CENPE: variants seen among roughly 807,000 people sequenced by gnomAD.
The protein encoded by CENPE is centromere protein E, also known as centromere-associated protein E.
CENPE carries 145 observed loss-of-function variants against 336.1 expected under a neutral mutation model. The ratio of observed to expected loss-of-function variants is 0.43; its 90% CI spans 0.38 to 0.50. The LOEUF is 0.50. CENPE is among the 20% of genes least tolerant of loss of function. CENPE has a pLI of 0.00. For synonymous variants in CENPE, 1,013 were observed against 984.8 expected (o/e 1.03, Z -0.54); for missense variants, 2,719 against 3,023.3 (o/e 0.90, Z 2.36).
At position 103,149,340 on chromosome 4, in the gene CENPE, T is replaced by C. The variant is rs1578612300; in HGVS notation, c.3465A>G (p.Lys1155=). Residue 1155 remains lysine (K), a synonymous_variant, in exon 27 of 49, where the codon AAA becomes AAG. Coordinates refer to ENST00000265148, the MANE Select transcript of CENPE (RefSeq NM_001813.3). ...TTAAATTCTCTATTTCATTAATCTT[T>C]TTCTGCATCTCACTCATCTCTTCTT... is the stretch of plus-strand genomic sequence containing the variant. ...NVQEEMSEMQ[K]KINEIENLKN... 3 of 1,609,792 alleles carry C rather than the reference T, an allele frequency of 1.9e-6. No homozygotes were observed. Among genetic ancestry groups the C allele is most frequent in the South Asian group, 2.2e-5 (2 of 89,870 alleles).
intron 45 of CENPE, 148 bp from the exon 46 acceptor site, chr4:103,114,700 G>C: frequency 1.6e-6 from 1 of 611,984 alleles, no homozygotes; most frequent in South Asian, 2.0e-5. Context: ...ATACCTCTCT[G>C]GTGCCATGTG....
chr4:103,195,993 GTA>G lies in CENPE; in HGVS notation c.282_283del (p.Thr95HisfsTer17). 1 of 1,613,714 alleles carries G rather than the reference GTA, an allele frequency of 6.2e-7. No individual in the cohort carries two copies. Among genetic ancestry groups the G allele is most frequent in the East Asian group, 2.2e-5 (1 of 44,852 alleles). On this transcript the variant is annotated frameshift_variant, in exon 4 of 49. Coordinates refer to ENST00000265148, the MANE Select transcript of CENPE (RefSeq NM_001813.3). LOFTEE classifies it high-confidence loss of function. ...CAAATGATCTTCTGAACCCATCATG[GTA>G]TATGTTTTTCCTGAAGCAGTCTGTC...
At chr4:103,113,714 TAA>T (rs908238801) in intron 46 of CENPE, among the ~76,000 whole-genome samples, 3 of 147,372 alleles carry the variant, frequency 2.0e-5, no homozygotes, top group African/African-American at 7.4e-5. Flanking sequence ...TATATACTTA[TAA>T]GTGTATATAT....
At chr4:103,182,417 A>C (rs983488003) in intron 11 of CENPE, among the ~76,000 whole-genome samples, 2 of 151,948 alleles carry the variant, frequency 1.3e-5, no homozygotes, top group African/African-American at 4.8e-5. Context: ...CAGACACACA[A>C]TTTTTTTTGT....
rs760918975 is a variant in CENPE at position 103,108,861 on chromosome 4, A to G, written c.7953T>C (p.Ser2651=). 3.7e-6 allele frequency: 6 copies of G among 1,613,940 alleles called. No individual in the cohort carries two copies. The South Asian group carries it at 6.6e-5, about 18-fold the overall frequency. ...AGCGAACTGGATGAGGTGATGGTAA[A>G]GACTTTGATCGGCTATCAAAAAAAC... ...KSCFFDSRSK[S]LPSPHPVRYF... is the part of the protein sequence containing the mutation. Residue 2651 remains serine (S), a synonymous_variant, in exon 48 of 49, where the codon TCT becomes TCC. Coordinates refer to ENST00000265148, the MANE Select transcript of CENPE (RefSeq NM_001813.3).
chr4:103,196,283 G>C, intron 2 of CENPE, 31 bp from the exon 3 acceptor site: 5 of 1,451,238 alleles, frequency 3.4e-6, no homozygotes, highest in Non-Finnish European at 4.8e-6. Flanking sequence ...CAACAACACA[G>C]AAGTTAAATC....
intron 11 of CENPE, 29 bp downstream of exon 11, chr4:103,182,733 T>C: frequency 1.3e-6 from 2 of 1,566,494 alleles, no homozygotes; most frequent in East Asian, 2.3e-5. Flanking sequence ...TCTTCCCCTA[T>C]ATTAAGCTGA....
intron 8 of CENPE, among the ~76,000 whole-genome samples, chr4:103,192,640 C>T (rs1406686317): frequency 6.6e-6 from 1 of 152,120 alleles, no homozygotes; most frequent in Non-Finnish European, 1.5e-5. Flanking sequence ...AAAGATGAGT[C>T]AAAATTGACT....
In CENPE at chr4:103,140,868, T is replaced by G. The variant is rs1404733999; in HGVS notation, c.5700A>C (p.Thr1900=). Residue 1900 remains threonine (T), a synonymous_variant, in exon 36 of 49, where the codon ACA becomes ACC. Coordinates refer to ENST00000265148, the MANE Select transcript of CENPE (RefSeq NM_001813.3). ...TGAGTTGGTCTCTCTCCAGTTTGAG[T>G]GTCTCCTCTACTCTTCTTAGATTAT... The part of the protein sequence containing the change: ...ERDNLRRVEE[T]LKLERDQLKE... The G allele has an allele frequency of 6.2e-7, 1 of 1,607,562 alleles. No homozygotes were observed. Among genetic ancestry groups the G allele is most frequent in the Admixed American group, 1.7e-5 (1 of 58,482 alleles).
intron 42 of CENPE, among the ~76,000 whole-genome samples, chr4:103,132,415 G>A (rs1751666030): frequency 6.6e-6 from 1 of 152,160 alleles, no homozygotes; most frequent in East Asian, 1.9e-4. Flanking sequence ...AGTTCTTACA[G>A]AAGCAGTGAG....
intron 42 of CENPE, among the ~76,000 whole-genome samples, chr4:103,129,584 A>C (rs1751410838): frequency 6.6e-6 from 1 of 152,052 alleles, no homozygotes. Flanking sequence ...AAAAATACAA[A>C]AATTAGCCAG....
intron 16 of CENPE, among the ~76,000 whole-genome samples, chr4:103,170,326 G>A (rs1239328967): frequency 6.6e-6 from 1 of 152,144 alleles, no homozygotes. Context: ...CACAGGCCAG[G>A]AGGGAGTGCA....
chr4:103,111,627 G>T (rs2125834498), intron 46 of CENPE, among the ~76,000 whole-genome samples: 1 of 152,236 alleles, frequency 6.6e-6, no homozygotes. Flanking sequence ...TGTGTGTGTT[G>T]GGGGTGATTC....
intron 36 of CENPE, 24 bp from the exon 37 acceptor site, chr4:103,140,438 A>G (rs750263838): frequency 1.3e-6 from 2 of 1,497,688 alleles, no homozygotes; most frequent in Admixed American, 4.5e-5. Flanking sequence ...AGAAATCAAG[A>G]AATGTAATGA....
rs574644375 is a variant in CENPE at position 103,130,904 on chromosome 4, T to C, written c.6924+1789A>G. Among the ~76,000 whole-genome samples, 420 of 101,764 alleles carry C rather than the reference T, an allele frequency of 4.1e-3. 4 individuals are homozygous for C. The highest frequency in any genetic ancestry group is 6.3e-3 in the Non-Finnish European group (333 of 52,658). 66.8% of individuals were successfully genotyped at this position (101,764 alleles called of 152,430 possible). A position where few individuals can be genotyped will look rare whatever the true frequency, so the allele number is the denominator to read the frequency against. On this transcript the variant is annotated intron_variant, in intron 42 of 48. Transcript: ENST00000265148. Reference sequence around the variant, plus strand: ...TATAATTGTGCTGAATCTGGACTTCTACAAGCGAAAAAAAAAAAAAAAAGA... The same window carrying C: ...TATAATTGTGCTGAATCTGGACTTCCACAAGCGAAAAAAAAAAAAAAAAGA...
rs554518823 is a variant in CENPE, at chr4:103,193,046, C to T, written c.693+1183G>A. On this transcript the variant is annotated intron_variant, in intron 8 of 48. Transcript: ENST00000265148. ...CAGGAGATAATCAGAAAAGAGCCAC[C>T]TCTAAAGAGACAGAGATGACTCTTT... Among the ~76,000 whole-genome samples, 11 of 151,862 alleles carry T rather than the reference C, an allele frequency of 7.2e-5. No individual in the cohort carries two copies. The East Asian group carries it at 2.1e-3, about 29-fold the overall frequency.
At chr4:103,156,702 A>T (rs1258882019) in intron 24 of CENPE, among the ~76,000 whole-genome samples, 3 of 152,146 alleles carry the variant, frequency 2.0e-5, no homozygotes. Flanking sequence ...ACCAAAACAC[A>T]GGCAACAAGA....
chr4:103,118,114 C>T (rs1750302607), intron 44 of CENPE, among the ~76,000 whole-genome samples: 1 of 152,200 alleles, frequency 6.6e-6, no homozygotes, highest in African/African-American at 2.4e-5. Context: ...ACTGCTCAAT[C>T]ATACAAGTAT....
At position 103,174,892 on chromosome 4, in the gene CENPE, T is replaced by A. The variant is rs552444096; in HGVS notation, c.1491A>T (p.Glu497Asp). Residue 497 changes from glutamate to aspartate, a missense_variant, in exon 16 of 49, where the codon GAA (glutamate) becomes GAT (aspartate). By Grantham distance (45) the Glu-to-Asp change is conservative. Coordinates refer to ENST00000265148, the MANE Select transcript of CENPE (RefSeq NM_001813.3). ...ATKLLNQENI[E>D]SELNSLRADY... ...CAGCACGAAGTGAGTTCAACTCACT[T>A]TCTATATTCTCCTATTATAAACAAG... 4.8e-6 allele frequency: 7 copies of A among 1,466,750 alleles called. No homozygotes were observed. The highest frequency in any genetic ancestry group is 6.3e-6 in the Non-Finnish European group (7 of 1,110,328). 90.9% of individuals were successfully genotyped at this position (1,466,750 alleles called of 1,614,324 possible). A position where few individuals can be genotyped will look rare whatever the true frequency, so the allele number is the denominator to read the frequency against.
Sources: allele counts gnomAD v4.1 joint callset (sites outside exome capture counted in the v4.1 genomes callset), GRCh38; gene constraint gnomAD v4.1.1; transcripts MANE v1.5; gene names NCBI Gene and HGNC (gene_info 2026-07-23, HGNC 2026-07-21).